SCG5: variants seen among roughly 807,000 people sequenced by gnomAD.
The protein encoded by SCG5 is neuroendocrine protein 7B2.
A neutral mutation model predicts 25.7 loss-of-function variants in SCG5; 18 were observed. The ratio of observed to expected loss-of-function variants is 0.70; its 90% CI spans 0.48 to 1.04. The LOEUF is 1.04. Among genes scored for constraint, SCG5 ranks in the 50% least tolerant of loss-of-function variants. The pLI is 0.00. For synonymous variants in SCG5, 101 were observed against 91.7 expected (o/e 1.10, Z -0.58); for missense variants, 206 against 259.8 (o/e 0.79, Z 1.42).
At chr15:32,654,378 A>AT (rs1445323777) in intron 2 of SCG5, among the ~76,000 whole-genome samples, 2 of 152,278 alleles carry the variant, frequency 1.3e-5, no homozygotes, top group South Asian at 2.1e-4. Context: ...TTACCATCAC[A>AT]TTGGGGATTA....
At chr15:32,689,828 G>A (rs996127431) in intron 4 of SCG5, among the ~76,000 whole-genome samples, 6 of 151,422 alleles carry the variant, frequency 4.0e-5, no homozygotes, top group Non-Finnish European at 7.4e-5. Context: ...GATTAGCCAG[G>A]CCTTTTGCAT....
chr15:32,643,170 C>T (rs1160911699), intron 1 of SCG5, among the ~76,000 whole-genome samples: 1 of 152,176 alleles, frequency 6.6e-6, no homozygotes, highest in African/African-American at 2.4e-5. Context: ...CTTTTATTCC[C>T]AGAGACTGGG....
intron 5 of SCG5, among the ~76,000 whole-genome samples, chr15:32,695,123 C>T (rs1371081447): frequency 6.6e-6 from 1 of 151,838 alleles, no homozygotes; most frequent in Non-Finnish European, 1.5e-5. Flanking sequence ...TCCTGCCATT[C>T]TCCTGCCTCA....
intron 2 of SCG5, among the ~76,000 whole-genome samples, chr15:32,646,609 TG>T (rs2053947579): frequency 6.6e-6 from 1 of 152,200 alleles, no homozygotes; most frequent in Admixed American, 6.5e-5. Context: ...GTGGGAATCT[TG>T]GGAGTCTTCC....
intron 2 of SCG5, among the ~76,000 whole-genome samples, chr15:32,664,845 A>G (rs895247328): frequency 3.9e-5 from 6 of 152,224 alleles, no homozygotes; most frequent in African/African-American, 1.4e-4. Flanking sequence ...GAAGGGAACC[A>G]AGAAAGGAAA....
At chr15:32,654,518 T>G (rs1462926991) in intron 2 of SCG5, among the ~76,000 whole-genome samples, 2 of 152,194 alleles carry the variant, frequency 1.3e-5, no homozygotes, top group Non-Finnish European at 1.5e-5. Flanking sequence ...TCACACTGCT[T>G]CTTTGGCTAG....
chr15:32,690,384 T>C (rs573955415), intron 4 of SCG5, among the ~76,000 whole-genome samples: 14 of 152,358 alleles, frequency 9.2e-5, no homozygotes, highest in Non-Finnish European at 1.9e-4. Flanking sequence ...ATTCTCTGCC[T>C]CAGGAGTTTT....
At chr15:32,663,309 C>T (rs2054269493) in intron 2 of SCG5, among the ~76,000 whole-genome samples, 1 of 151,860 alleles carries the variant, frequency 6.6e-6, no homozygotes, top group African/African-American at 2.4e-5. Context: ...ATCTCTGCCT[C>T]CTTACTCCTT....
In SCG5 at chr15:32,673,527, C is replaced by CGTGTGTGTGTGTGTGTGT. The variant is rs55968956; in HGVS notation, c.227-6220_227-6203dup. ...AGAATCCACATTTGGATAAGATCCC[C>CGTGTGTGTGTGTGTGTGT]GTGTGTGTGTGTGTGTGTGTGTGTG... On this transcript the variant is annotated intron_variant, in intron 2 of 5. Coordinates refer to ENST00000300175, the MANE Select transcript of SCG5 (RefSeq NM_001144757.3). 6.1e-3 allele frequency among the ~76,000 whole-genome samples: 826 copies of CGTGTGTGTGTGTGTGTGT among 134,932 alleles called. 12 individuals carry two copies. The highest frequency in any genetic ancestry group is 0.02 in the African/African-American group (692 of 34,026). The allele number at this position is 134,932 out of a possible 152,430, so 88.5% of individuals were successfully genotyped here. A position where few individuals can be genotyped will look rare whatever the true frequency, so the allele number is the denominator to read the frequency against.
intron 1 of SCG5, among the ~76,000 whole-genome samples, 163 bp from the exon 2 acceptor site, chr15:32,643,423 A>C (rs1470742833): frequency 6.6e-6 from 1 of 152,160 alleles, no homozygotes; most frequent in African/African-American, 2.4e-5. Flanking sequence ...TGCTCTGCCT[A>C]GCATGGAAAC....
At chr15:32,672,458 G>A (rs934388150) in intron 2 of SCG5, among the ~76,000 whole-genome samples, 1 of 152,248 alleles carries the variant, frequency 6.6e-6, no homozygotes, top group Non-Finnish European at 1.5e-5. Context: ...GCGTGAGGTG[G>A]GCACTCAGGT....
At chr15:32,694,624 T>C (rs1414322496) in intron 5 of SCG5, among the ~76,000 whole-genome samples, 8 of 152,372 alleles carry the variant, frequency 5.3e-5, no homozygotes, top group Non-Finnish European at 2.9e-5. Flanking sequence ...GCCAAACCAC[T>C]GTAATTGATA....
intron 2 of SCG5, 128 bp from the exon 3 acceptor site, chr15:32,679,638 C>G: frequency 1.0e-6 from 1 of 989,676 alleles, no homozygotes; most frequent in Non-Finnish European, 1.5e-6. Context: ...AGGGCAAGAA[C>G]CATTTCATTT....
intron 2 of SCG5, among the ~76,000 whole-genome samples, chr15:32,668,834 G>T (rs983241308): frequency 5.9e-5 from 9 of 152,182 alleles, no homozygotes; most frequent in Admixed American, 5.9e-4. Context: ...TCTTCCCTAA[G>T]CTCCTGCAGA....
intron 2 of SCG5, among the ~76,000 whole-genome samples, chr15:32,673,527 C>CGTGTGTGTGTGTGTGT (rs55968956): frequency 0.022 from 2,992 of 134,880 alleles, 163 homozygotes; most frequent in African/African-American, 0.075. Flanking sequence ...ATAAGATCCC[C>CGTGTGTGTGTGTGTGT]GTGTGTGTGT....
chr15:32,684,943 GT>G (rs2054679531), intron 4 of SCG5, among the ~76,000 whole-genome samples: 1 of 152,116 alleles, frequency 6.6e-6, no homozygotes, highest in Admixed American at 6.5e-5. Context: ...CACAGCCTGT[GT>G]CATACACATC....
chr15:32,684,314 T>C, intron 3 of SCG5: 1 of 468,106 alleles, frequency 2.1e-6, no homozygotes, highest in Middle Eastern at 5.5e-4. Context: ...TCTAGCTGGG[T>C]GCTAAGGAGG....
intron 3 of SCG5, among the ~76,000 whole-genome samples, chr15:32,680,619 T>G (rs886910873): frequency 6.6e-6 from 1 of 152,212 alleles, no homozygotes; most frequent in Non-Finnish European, 1.5e-5. Context: ...TGCCTGTTTG[T>G]TCTCCTCGTT....
chr15:32,692,938 A>C (rs2054885750), intron 5 of SCG5, among the ~76,000 whole-genome samples: 1 of 152,150 alleles, frequency 6.6e-6, no homozygotes, highest in Non-Finnish European at 1.5e-5. Context: ...CTCTGGAAAC[A>C]AATCTTTTTT....
Sources: gnomAD v4.1 joint callset for allele counts (sites outside exome capture counted in the v4.1 genomes callset) on GRCh38, gnomAD v4.1.1 for gene constraint, MANE v1.5 for transcripts, NCBI Gene and HGNC (gene_info 2026-07-23, HGNC 2026-07-21) for gene names.